Variants in ZMYM5 observed in about 807,000 individuals in gnomAD.
ZMYM5 encodes the protein zinc finger MYM-type containing 5, also known as zinc finger MYM-type protein 5.
Under a neutral mutation model 61.8 loss-of-function variants are expected in ZMYM5, and 41 were observed. The ratio of observed to expected loss-of-function variants is 0.66; its 90% CI spans 0.52 to 0.86. The LOEUF (loss-of-function observed/expected upper bound fraction) is 0.86. ZMYM5 is among the 40% of genes least tolerant of loss of function. The probability of loss-of-function intolerance (pLI) is 0.00; values close to 1 mark genes in which losing one functional copy is unlikely to be tolerated. For missense variants in ZMYM5, 706 were observed against 786.7 expected, an observed-to-expected ratio of 0.90 and a Z score of 1.23; for synonymous variants, 257 against 276.4, an observed-to-expected ratio of 0.93 and a Z score of 0.70.
Position 19,824,819 on chromosome 13 carries a change from C to A in ZMYM5, c.1668G>T (p.Gly556=), listed in dbSNP as rs758954600. The part of the protein sequence containing the change: ...RNFNFPKDNT[G]RKFSETYYTR... ...TATAATAAGTTTCTGAAAACTTCCT[C>A]CCTGTATTATCTTTTGGAAAGTTAA... is the stretch of plus-strand genomic sequence containing the variant. Residue 556 remains glycine (G), a synonymous_variant, in exon 8 of 8, where the codon GGG becomes GGT. Transcript: ENST00000337963. 1 of 1,351,944 alleles carries A rather than the reference C, an allele frequency of 7.4e-7. No homozygotes were observed. Among genetic ancestry groups the A allele is most frequent in the Admixed American group, 2.0e-5 (1 of 49,678 alleles). The allele number at this position is 1,351,944 out of a possible 1,614,324, so 83.7% of individuals were successfully genotyped here.
At chr13:19,856,484 T>C (rs1363741477) in intron 2 of ZMYM5, among the ~76,000 whole-genome samples, 1 of 151,366 alleles carries the variant, frequency 6.6e-6, no homozygotes, top group Non-Finnish European at 1.5e-5. Context: ...CTACTAAAAA[T>C]ACAAAATTAG....
intron 4 of ZMYM5, among the ~76,000 whole-genome samples, chr13:19,847,885 C>T (rs1016282732): frequency 9.0e-5 from 13 of 144,446 alleles, no homozygotes; most frequent in Non-Finnish European, 1.8e-4. Context: ...GATCTCCTGA[C>T]CTCGTGATCC....
rs140750699 is a variant in ZMYM5 at position 19,846,565 on chromosome 13, G to A, written c.586+4790C>T. ...GTGTCACTAGCCAAAAAAAAAAGGC[G>A]AATTTTTGGAAGCCTGTATCCACCA... On this transcript the variant is annotated intron_variant, in intron 4 of 7. Coordinates refer to ENST00000337963, the MANE Select transcript of ZMYM5 (RefSeq NM_001142684.2). 5.6e-3 allele frequency among the ~76,000 whole-genome samples: 857 copies of A among 152,040 alleles called. 2 individuals are homozygous for A. The highest frequency in any genetic ancestry group is 8.1e-3 in the Non-Finnish European group (551 of 67,986).
intron 2 of ZMYM5, among the ~76,000 whole-genome samples, chr13:19,855,489 C>G (rs573367696): frequency 1.3e-5 from 2 of 151,526 alleles, no homozygotes; most frequent in South Asian, 2.1e-4. Context: ...GTCTCAATCT[C>G]CTGACTTTGT....
intron 7 of ZMYM5, among the ~76,000 whole-genome samples, chr13:19,831,401 A>T (rs886703322): frequency 5.9e-5 from 9 of 152,034 alleles, no homozygotes; most frequent in African/African-American, 1.7e-4. Context: ...CTGGGGTTAC[A>T]GGTGTGAGCC....
intron 2 of ZMYM5, among the ~76,000 whole-genome samples, chr13:19,858,781 G>C (rs1419191129): frequency 6.6e-6 from 1 of 152,000 alleles, no homozygotes; most frequent in Non-Finnish European, 1.5e-5. Flanking sequence ...CTAAAACAGT[G>C]AATAAAAAGC....
chr13:19,859,831 G>A (rs1953662776), intron 2 of ZMYM5, among the ~76,000 whole-genome samples: 1 of 151,682 alleles, frequency 6.6e-6, no homozygotes, highest in Admixed American at 6.6e-5. Context: ...CAGGCCGGGT[G>A]TGGTAGTGGG....
intron 4 of ZMYM5, among the ~76,000 whole-genome samples, chr13:19,845,803 A>G (rs2138578319): frequency 6.6e-6 from 1 of 152,320 alleles, no homozygotes; most frequent in East Asian, 1.9e-4. Context: ...CAGTAGCATC[A>G]CCTGCCTGGC....
At position 19,851,237 on chromosome 13, in the gene ZMYM5, A is replaced by AC. The variant is rs957092476; in HGVS notation, c.586+117dup. On this transcript the variant is annotated intron_variant, in intron 4 of 7. Transcript: ENST00000337963. ...TCGGTCTCCAAAAACAAACAAACAA[A>AC]CAAGCAAACAAAAAAAGCAAAGCCA... The AC allele has an allele frequency of 7.2e-6, 7 of 975,860 alleles. No individual in the cohort carries two copies. In the African/African-American group the frequency reaches 1.1e-4, roughly 16 times the overall value. The allele number at this position is 975,860 out of a possible 1,614,324, so 60.5% of individuals were successfully genotyped here.
chr13:19,833,759 T>C (rs1952591465), intron 7 of ZMYM5, among the ~76,000 whole-genome samples: 1 of 152,160 alleles, frequency 6.6e-6, no homozygotes, highest in Non-Finnish European at 1.5e-5. Context: ...ATAGGACTTA[T>C]AAAAATTAAA....
intron 7 of ZMYM5, among the ~76,000 whole-genome samples, chr13:19,827,086 T>C (rs1303555532): frequency 6.6e-6 from 1 of 151,942 alleles, no homozygotes; most frequent in Non-Finnish European, 1.5e-5. Context: ...TTTGGAGGAG[T>C]TGGAGTTGAA....
At position 19,837,584 on chromosome 13, in the gene ZMYM5, T is replaced by C. The variant is rs1339029655; in HGVS notation, c.1038+72A>G. 3.1e-6 allele frequency: 5 copies of C among 1,607,196 alleles called. No homozygotes were observed. The South Asian group carries it at 3.4e-5, about 11-fold the overall frequency. The stretch of plus-strand genomic sequence containing the variant: ...CACGTGCATTATGTAGATGAAAGAG[T>C]ACATAATAGCACTTAAAAGTTAAAA... On this transcript the variant is annotated intron_variant, in intron 6 of 7. Coordinates refer to ENST00000337963, the MANE Select transcript of ZMYM5 (RefSeq NM_001142684.2).
At chr13:19,834,065 C>G (rs1952600291) in intron 7 of ZMYM5, among the ~76,000 whole-genome samples, 2 of 152,250 alleles carry the variant, frequency 1.3e-5, no homozygotes, top group South Asian at 4.1e-4. Context: ...CAACCTCCAC[C>G]TCCCAGGTTC....
chr13:19,856,139 T>C (rs574022273), intron 2 of ZMYM5, among the ~76,000 whole-genome samples: 2 of 152,032 alleles, frequency 1.3e-5, no homozygotes, highest in South Asian at 2.1e-4. Flanking sequence ...CATAAGAAAA[T>C]TTTGAATATT....
intron 6 of ZMYM5, among the ~76,000 whole-genome samples, chr13:19,836,414 G>C (rs1170066350): frequency 6.6e-6 from 1 of 151,892 alleles, no homozygotes; most frequent in East Asian, 1.9e-4. Flanking sequence ...AGAAGATTTT[G>C]ACATGACCCG....
chr13:19,828,178 A>C (rs557652584), intron 7 of ZMYM5, among the ~76,000 whole-genome samples: 1 of 152,038 alleles, frequency 6.6e-6, no homozygotes, highest in Admixed American at 6.6e-5. Flanking sequence ...TAAAGTAAAA[A>C]ATGCAGAGGT....
Position 19,824,457 on chromosome 13 carries a change from C to CA in ZMYM5, c.*19dup, listed in dbSNP as rs777313113. The CA allele has an allele frequency of 5.5e-6, 7 of 1,272,880 alleles. No homozygotes were observed. In the African/African-American group the frequency reaches 9.3e-5, roughly 17 times the overall value. 78.8% of individuals were successfully genotyped at this position (1,272,880 alleles called of 1,614,324 possible). On this transcript the variant is annotated 3_prime_UTR_variant, in exon 8 of 8. Transcript: ENST00000337963. ...TAATGTAAGATTCTGATCATCATGC[C>CA]AAAAAACAACTCAGGTATATTACGT...
intron 4 of ZMYM5, among the ~76,000 whole-genome samples, chr13:19,842,985 A>C (rs894393421): frequency 1.3e-4 from 16 of 118,718 alleles, no homozygotes; most frequent in African/African-American, 4.3e-4. Flanking sequence ...AAAAAAAAAA[A>C]AGTTTTTTTA....
intron 7 of ZMYM5, among the ~76,000 whole-genome samples, chr13:19,831,787 CAAA>C (rs1190448216): frequency 0.018 from 657 of 36,528 alleles, 2 homozygotes; most frequent in African/African-American, 0.087. Flanking sequence ...GACTCTGTCT[CAAA>C]AAAAAAAAAA....
Sources: allele counts gnomAD v4.1 joint callset (sites outside exome capture counted in the v4.1 genomes callset), GRCh38; gene constraint gnomAD v4.1.1; transcripts MANE v1.5; gene names NCBI Gene and HGNC (gene_info 2026-07-23, HGNC 2026-07-21).